Variants in DGKB observed in about 807,000 individuals in gnomAD.
The protein encoded by DGKB is 90 kDa diacylglycerol kinase.
A neutral mutation model predicts 114.3 loss-of-function variants in DGKB; 67 were observed. That is an observed-to-expected ratio of 0.59 (90% CI 0.48 to 0.72). The LOEUF is 0.72. Among genes scored for constraint, DGKB ranks in the 30% least tolerant of loss-of-function variants. The pLI, the probability that DGKB is intolerant of heterozygous loss-of-function variation, is 0.00. For synonymous variants in DGKB, 398 were observed against 323.1 expected, an observed-to-expected ratio of 1.23 and a Z score of -2.49; for missense variants, 907 against 975.2, an observed-to-expected ratio of 0.93 and a Z score of 0.93.
At chr7:14,706,431 C>T (rs1258669214) in intron 6 of DGKB, among the ~76,000 whole-genome samples, 2 of 148,912 alleles carry the variant, frequency 1.3e-5, no homozygotes, top group Non-Finnish European at 3.0e-5. Context: ...AACAAGGATA[C>T]CCAGGAATTG....
Position 14,149,197 on chromosome 7 carries a change from G to A in DGKB, c.2346C>T (p.Gly782=), listed in dbSNP as rs1222806170. 6.2e-7 allele frequency: 1 copy of A among 1,613,454 alleles called. No homozygotes were observed. Among genetic ancestry groups the A allele is most frequent in the African/African-American group, 1.3e-5 (1 of 74,984 alleles). ...AGAATAAACCGGTTTTTGGAGGCGG[G>A]CCCATCAGCATTGGGGCTTGGTTCT... ...THKNQAPMLM[G]PPPKTGLFCS... Residue 782 remains glycine (G), a synonymous_variant, in exon 26 of 26, where the codon GGC becomes GGT. Transcript: ENST00000402815.
chr7:14,335,543 C>T (rs540833542), intron 23 of DGKB, among the ~76,000 whole-genome samples: 22 of 152,146 alleles, frequency 1.4e-4, no homozygotes, highest in African/African-American at 4.6e-4. Flanking sequence ...AAGAAAATTA[C>T]GTTAAGTTTT....
At chr7:14,731,511 TA>T (rs1262006394) in intron 5 of DGKB, among the ~76,000 whole-genome samples, 3 of 152,156 alleles carry the variant, frequency 2.0e-5, no homozygotes, top group Non-Finnish European at 4.4e-5. Context: ...TACATTGTTT[TA>T]AAAAAACTGA....
intron 21 of DGKB, among the ~76,000 whole-genome samples, chr7:14,352,037 A>G (rs1483350604): frequency 6.6e-6 from 1 of 152,184 alleles, no homozygotes; most frequent in African/African-American, 2.4e-5. Context: ...CAACAGGTAG[A>G]GATATAAATT....
intron 13 of DGKB, among the ~76,000 whole-genome samples, chr7:14,638,100 TCTC>T (rs1366251152): frequency 3.3e-5 from 5 of 152,046 alleles, no homozygotes; most frequent in Non-Finnish European, 7.4e-5. Context: ...ACATCTCAAT[TCTC>T]CTCAGAATTC....
At chr7:14,780,826 T>C (rs1315379935) in intron 2 of DGKB, among the ~76,000 whole-genome samples, 2 of 152,352 alleles carry the variant, frequency 1.3e-5, no homozygotes, top group Non-Finnish European at 2.9e-5. Flanking sequence ...CATCATAACG[T>C]AGTTTCTGAG....
chr7:14,859,442 G>A (rs951701800), intron 1 of DGKB, among the ~76,000 whole-genome samples: 46 of 152,034 alleles, frequency 3.0e-4, no homozygotes, highest in African/African-American at 1.1e-3. Context: ...TCAGAAAGAA[G>A]ATAAGAAAAT....
rs1281276301 is a variant in DGKB, at chr7:14,326,632, A to G, written c.2122+11883T>C. ...AAGAAGGAATTCCCTTCTCCTGTCT[A>G]TACATTTTCAACCTCCTTTCCTTTG... On this transcript the variant is annotated intron_variant, in intron 23 of 25. Transcript: ENST00000402815. Among the ~76,000 whole-genome samples, 6 of 152,186 alleles carry G rather than the reference A, an allele frequency of 3.9e-5. No individual in the cohort carries two copies. The South Asian group carries it at 1.0e-3, about 26-fold the overall frequency.
chr7:14,604,097 A>G (rs1442119527), intron 17 of DGKB, among the ~76,000 whole-genome samples: 4 of 152,124 alleles, frequency 2.6e-5, no homozygotes, highest in African/African-American at 9.7e-5. Context: ...ACCTCCAAAT[A>G]ATTTATTCAA....
intron 25 of DGKB, among the ~76,000 whole-genome samples, chr7:14,166,931 C>T (rs1784691788): frequency 6.6e-6 from 1 of 152,086 alleles, no homozygotes; most frequent in African/African-American, 2.4e-5. Flanking sequence ...TCAGGCCAGA[C>T]ACAGTGGGTG....
intron 4 of DGKB, among the ~76,000 whole-genome samples, chr7:14,747,140 C>G (rs1833408496): frequency 6.6e-6 from 1 of 150,820 alleles, no homozygotes; most frequent in Non-Finnish European, 1.5e-5. Flanking sequence ...ATTTATCTCA[C>G]ATTTTCTGGC....
intron 2 of DGKB, among the ~76,000 whole-genome samples, chr7:14,798,481 C>T (rs1204300920): frequency 6.6e-6 from 1 of 152,196 alleles, no homozygotes; most frequent in African/African-American, 2.4e-5. Context: ...TGTAAACCTC[C>T]TTTACATGTT....
In DGKB at chr7:14,841,357, G is replaced by T. The variant is rs1239710251; in HGVS notation, c.-94C>A. Reference sequence around the variant, plus strand: ...ATGCTTCAAAGATTCCACATGGCATGTTTCATGATAAAATACCTCAGGCTT... The same window carrying T: ...ATGCTTCAAAGATTCCACATGGCATTTTTCATGATAAAATACCTCAGGCTT... On this transcript the variant is annotated 5_prime_UTR_variant, in exon 2 of 26. Transcript: ENST00000402815. 2 of 1,053,572 alleles carry T rather than the reference G, an allele frequency of 1.9e-6. No individual in the cohort carries two copies. Among genetic ancestry groups the T allele is most frequent in the African/African-American group, 1.6e-5 (1 of 61,896 alleles). 65.3% of individuals were successfully genotyped at this position (1,053,572 alleles called of 1,614,324 possible). A position where few individuals can be genotyped will look rare whatever the true frequency, so the allele number is the denominator to read the frequency against.
intron 23 of DGKB, among the ~76,000 whole-genome samples, chr7:14,234,894 A>G (rs530652638): frequency 1.3e-5 from 2 of 152,190 alleles, no homozygotes; most frequent in African/African-American, 4.8e-5. Context: ...AAATTGTCAT[A>G]ATTGCTAGAA....
intron 5 of DGKB, among the ~76,000 whole-genome samples, chr7:14,720,869 C>T (rs551747888): frequency 1.3e-5 from 2 of 149,458 alleles, no homozygotes; most frequent in African/African-American, 2.5e-5. Flanking sequence ...AAAAAAAAGA[C>T]CGGAATAATT....
intron 13 of DGKB, among the ~76,000 whole-genome samples, chr7:14,656,869 A>G (rs1815936376): frequency 6.6e-6 from 1 of 151,590 alleles, no homozygotes; most frequent in African/African-American, 2.4e-5. Flanking sequence ...AACAAAAACA[A>G]TTGTCTACAA....
chr7:14,919,762 A>C (rs1057364109), intron 1 of DGKB, among the ~76,000 whole-genome samples: 2 of 152,144 alleles, frequency 1.3e-5, no homozygotes, highest in Admixed American at 1.3e-4. Context: ...TCTCTCATGA[A>C]TGGCTTGGTG....
chr7:14,320,528 C>T (rs1807561536), intron 23 of DGKB, among the ~76,000 whole-genome samples: 2 of 151,678 alleles, frequency 1.3e-5, no homozygotes, highest in South Asian at 4.2e-4. Context: ...TATATATGTA[C>T]CGCATATGCG....
At chr7:14,513,688 T>G (rs542747034) in intron 20 of DGKB, among the ~76,000 whole-genome samples, 1 of 152,138 alleles carries the variant, frequency 6.6e-6, no homozygotes, top group South Asian at 2.1e-4. Flanking sequence ...AACAATATTT[T>G]ATTACTAGAT....
Sources: gnomAD v4.1 joint callset for allele counts (sites outside exome capture counted in the v4.1 genomes callset) on GRCh38, gnomAD v4.1.1 for gene constraint, MANE v1.5 for transcripts, NCBI Gene and HGNC (gene_info 2026-07-23, HGNC 2026-07-21) for gene names.